COL8A1: variants seen among roughly 807,000 people sequenced by gnomAD.
The protein encoded by COL8A1 is collagen type VIII alpha 1 chain, also known as collagen alpha-1(VIII) chain.
COL8A1 carries 21 observed loss-of-function variants against 42.7 expected under a neutral mutation model. The ratio of observed to expected loss-of-function variants is 0.49; its 90% CI spans 0.35 to 0.71. The LOEUF (loss-of-function observed/expected upper bound fraction) is 0.71, where lower values mean the gene tolerates loss of function less well. Ranked by LOEUF, COL8A1 falls within the 30% of genes least tolerant of loss-of-function variation. The pLI is 0.01. For synonymous variants in COL8A1, 367 were observed against 369.1 expected (o/e 0.99, Z 0.06); for missense variants, 788 against 962.4 (o/e 0.82, Z 2.40).
chr3:99,694,801 A>T (rs187203584), intron 1 of COL8A1, among the ~76,000 whole-genome samples: 8 of 152,300 alleles, frequency 5.3e-5, no homozygotes, highest in Admixed American at 5.2e-4. Flanking sequence ...AGATTAGGTG[A>T]TTTACAAAGT....
At chr3:99,738,020 G>A (rs1940783883) in intron 1 of COL8A1, among the ~76,000 whole-genome samples, 2 of 151,820 alleles carry the variant, frequency 1.3e-5, no homozygotes, top group South Asian at 2.1e-4. Flanking sequence ...GATCGCATCG[G>A]CTCCTGAGGC....
intron 2 of COL8A1, among the ~76,000 whole-genome samples, chr3:99,757,504 G>T (rs146793343): frequency 6.6e-6 from 1 of 152,220 alleles, no homozygotes; most frequent in East Asian, 1.9e-4. Context: ...TAATTGTCAG[G>T]CTGGTAGCCC....
At chr3:99,646,059 C>A (rs1937634739) in intron 1 of COL8A1, among the ~76,000 whole-genome samples, 1 of 152,140 alleles carries the variant, frequency 6.6e-6, no homozygotes, top group South Asian at 2.1e-4. Flanking sequence ...TCCCCTAAAT[C>A]TGGGTCTCTC....
chr3:99,743,824 C>T (rs1416529347), intron 1 of COL8A1, among the ~76,000 whole-genome samples: 1 of 152,146 alleles, frequency 6.6e-6, no homozygotes, highest in Admixed American at 6.5e-5. Flanking sequence ...ATTTGATACC[C>T]AGTTCTGCAT....
chr3:99,758,042 A>C (rs1941293767), intron 2 of COL8A1, among the ~76,000 whole-genome samples: 1 of 152,180 alleles, frequency 6.6e-6, no homozygotes. Flanking sequence ...AATGGCAAAA[A>C]CTTACTTTTG....
At position 99,714,507 on chromosome 3, in the gene COL8A1, A is replaced by G. The variant is rs149184142; in HGVS notation, c.-128-30390A>G. ...AGAATGATGAAATGGAATCTATCTG[A>G]GAAACTGACCTTTGTTCTGGGGCTA... On this transcript the variant is annotated intron_variant, in intron 1 of 3. Transcript: ENST00000652472. 7.9e-5 allele frequency among the ~76,000 whole-genome samples: 12 copies of G among 152,212 alleles called. No homozygotes were observed. In the East Asian group the frequency reaches 2.3e-3, roughly 29 times the overall value.
At chr3:99,726,245 C>T (rs1433071013) in intron 1 of COL8A1, among the ~76,000 whole-genome samples, 1 of 152,144 alleles carries the variant, frequency 6.6e-6, no homozygotes. Context: ...ATCCTGCACC[C>T]ACTTTTTGAT....
At chr3:99,717,380 G>A (rs1940027083) in intron 1 of COL8A1, among the ~76,000 whole-genome samples, 1 of 151,954 alleles carries the variant, frequency 6.6e-6, no homozygotes, top group South Asian at 2.1e-4. Flanking sequence ...TTGATCTGAT[G>A]TTTGGAGTGT....
intron 2 of COL8A1, among the ~76,000 whole-genome samples, chr3:99,787,629 G>C (rs1941920429): frequency 6.6e-6 from 1 of 152,186 alleles, no homozygotes; most frequent in Non-Finnish European, 1.5e-5. Flanking sequence ...GATGGGCAGA[G>C]ATTATAATTG....
chr3:99,695,482 AGTTAGTGGTCAG>A (rs1416768017), intron 1 of COL8A1, among the ~76,000 whole-genome samples: 2 of 152,182 alleles, frequency 1.3e-5, no homozygotes, highest in South Asian at 2.1e-4. Context: ...TGAGATTTGC[AGTTAGTGGTCAG>A]GTTTCTCCAT....
intron 1 of COL8A1, among the ~76,000 whole-genome samples, chr3:99,692,694 T>C (rs1376668064): frequency 6.6e-6 from 1 of 152,206 alleles, no homozygotes; most frequent in Non-Finnish European, 1.5e-5. Flanking sequence ...ATAAAGACGT[T>C]TTGGTCAACC....
intron 1 of COL8A1, among the ~76,000 whole-genome samples, chr3:99,677,080 G>A (rs933605619): frequency 6.6e-6 from 1 of 151,266 alleles, no homozygotes; most frequent in Admixed American, 6.6e-5. Context: ...GAGAGAGAGA[G>A]AGAGGGAGAA....
intron 1 of COL8A1, among the ~76,000 whole-genome samples, chr3:99,665,045 C>T (rs1938320896): frequency 6.6e-6 from 1 of 151,994 alleles, no homozygotes; most frequent in Non-Finnish European, 1.5e-5. Flanking sequence ...TCCCAAGAAA[C>T]TCACACATCC....
At chr3:99,696,304 C>T (rs1939364115) in intron 1 of COL8A1, among the ~76,000 whole-genome samples, 1 of 152,118 alleles carries the variant, frequency 6.6e-6, no homozygotes, top group South Asian at 2.1e-4. Flanking sequence ...ACTTTCCATT[C>T]CTGGATATTT....
At chr3:99,662,493 G>A (rs1938238978) in intron 1 of COL8A1, among the ~76,000 whole-genome samples, 1 of 152,104 alleles carries the variant, frequency 6.6e-6, no homozygotes, top group African/African-American at 2.4e-5. Flanking sequence ...ATCCCATGCA[G>A]TCACTGAAAA....
intron 1 of COL8A1, among the ~76,000 whole-genome samples, chr3:99,733,870 G>A (rs1157310057): frequency 6.6e-6 from 1 of 152,016 alleles, no homozygotes; most frequent in Admixed American, 6.6e-5. Flanking sequence ...ATCTCAATGT[G>A]GTTTTGATTT....
Position 99,709,908 on chromosome 3 carries a change from G to A in COL8A1, c.-128-34989G>A, listed in dbSNP as rs567543268. On this transcript the variant is annotated intron_variant, in intron 1 of 3. Transcript: ENST00000652472. ...TGACGCATAAGGAAATTCCTTTTAAGAGCCAACTCCCTTCTTCTCATGTGT... is the reference window on the plus strand; with the variant it reads ...TGACGCATAAGGAAATTCCTTTTAAAAGCCAACTCCCTTCTTCTCATGTGT... Among the ~76,000 whole-genome samples, 109 of 152,310 alleles carry A rather than the reference G, an allele frequency of 7.2e-4. No individual in the cohort carries two copies. The South Asian group carries it at 0.022, about 31-fold the overall frequency.
At chr3:99,782,393 T>C (rs1244514054) in intron 2 of COL8A1, among the ~76,000 whole-genome samples, 2 of 152,000 alleles carry the variant, frequency 1.3e-5, no homozygotes, top group East Asian at 3.9e-4. Context: ...ATTATTATTA[T>C]TTATTTATTT....
At chr3:99,672,696 C>A (rs1938583273) in intron 1 of COL8A1, among the ~76,000 whole-genome samples, 1 of 151,784 alleles carries the variant, frequency 6.6e-6, no homozygotes, top group Non-Finnish European at 1.5e-5. Flanking sequence ...TAATAGAATT[C>A]TTCCATTTGT....
Sources: gnomAD v4.1 joint callset for allele counts (sites outside exome capture counted in the v4.1 genomes callset) on GRCh38, gnomAD v4.1.1 for gene constraint, MANE v1.5 for transcripts, NCBI Gene and HGNC (gene_info 2026-07-23, HGNC 2026-07-21) for gene names.